The following PTPRD variants were observed in gnomAD, a reference collection of about 807,000 sequenced individuals.
The protein encoded by PTPRD is receptor-type tyrosine-protein phosphatase delta.
In PTPRD, 34 loss-of-function variants were observed where a neutral mutation model predicts 214.5. The observed-to-expected ratio is 0.16, with a 90% confidence interval of 0.12 to 0.21. PTPRD has a LOEUF of 0.21. Ranked by LOEUF, PTPRD falls within the 10% of genes least tolerant of loss-of-function variation. The pLI, the probability that PTPRD is intolerant of heterozygous loss-of-function variation, is 1.00. For missense variants in PTPRD, 2,545 were observed against 2,398.7 expected (o/e 1.06, Z -1.27); for synonymous variants, 1,128 against 845.7 (o/e 1.33, Z -5.79).
intron 14 of PTPRD, among the ~76,000 whole-genome samples, chr9:8,541,974 A>C (rs1368461911): frequency 6.6e-6 from 1 of 152,106 alleles, no homozygotes; most frequent in Non-Finnish European, 1.5e-5. Context: ...CAAAACCACT[A>C]CCAAAAGTTA....
chr9:9,324,520 C>A (rs980307162), intron 9 of PTPRD, among the ~76,000 whole-genome samples: 2 of 152,112 alleles, frequency 1.3e-5, no homozygotes, highest in African/African-American at 4.8e-5. Flanking sequence ...ATCCTTTGCC[C>A]ACTTTTTGAT....
At chr9:9,239,352 A>T (rs541452381) in intron 9 of PTPRD, among the ~76,000 whole-genome samples, 1 of 152,284 alleles carries the variant, frequency 6.6e-6, no homozygotes, top group Admixed American at 6.5e-5. Flanking sequence ...CTGAATTGTC[A>T]GCATCAAATA....
intron 3 of PTPRD, among the ~76,000 whole-genome samples, chr9:10,107,180 C>A (rs2098641774): frequency 2.0e-5 from 3 of 151,868 alleles, no homozygotes; most frequent in Admixed American, 1.3e-4. Context: ...GTGGACTTGG[C>A]AGATGGAAAC....
intron 39 of PTPRD, among the ~76,000 whole-genome samples, chr9:8,352,216 A>G (rs2075702521): frequency 6.6e-6 from 1 of 152,164 alleles, no homozygotes; most frequent in African/African-American, 2.4e-5. Context: ...ATGATAAATT[A>G]GAAGGCTAAT....
rs144701224 is a variant in PTPRD at position 9,210,293 on chromosome 9, T to C, written c.-202-26930A>G. Reference sequence around the variant, plus strand: ...TCAAAACGAATCTGAAACTCAAGAATTGGGTATTAAAATATATATAACAGG... The same window carrying C: ...TCAAAACGAATCTGAAACTCAAGAACTGGGTATTAAAATATATATAACAGG... On this transcript the variant is annotated intron_variant, in intron 9 of 45. Coordinates refer to ENST00000381196, the MANE Select transcript of PTPRD (RefSeq NM_002839.4). Among the ~76,000 whole-genome samples the C allele has an allele frequency of 4.3e-3, 648 of 152,264 alleles. 5 individuals are homozygous for C. The highest frequency in any genetic ancestry group is 0.015 in the African/African-American group (608 of 41,554).
chr9:8,618,883 T>TGC lies in PTPRD; in HGVS notation c.352+14433_352+14434insGC, dbSNP rs760310316. Among the ~76,000 whole-genome samples, 144 of 147,170 alleles carry TGC rather than the reference T, an allele frequency of 9.8e-4. 3 individuals carry two copies. Among genetic ancestry groups the TGC allele is most frequent in the African/African-American group, 3.5e-3 (139 of 39,824 alleles). On this transcript the variant is annotated intron_variant, in intron 14 of 45. Transcript: ENST00000381196. ...AGCTAATTTTGTGTGTGTGTGTGTG[T>TGC]GTGTGTGTGTGTGTTTGTCTGTGTT...
chr9:9,616,138 G>C (rs142200048), intron 7 of PTPRD, among the ~76,000 whole-genome samples: 4 of 152,244 alleles, frequency 2.6e-5, no homozygotes, highest in African/African-American at 9.6e-5. Flanking sequence ...TCATAAGAAA[G>C]AAAGACACGC....
intron 8 of PTPRD, among the ~76,000 whole-genome samples, chr9:9,498,937 T>C (rs561412360): frequency 2.0e-5 from 3 of 149,784 alleles, no homozygotes; most frequent in Non-Finnish European, 4.5e-5. Flanking sequence ...GGCTTATTTT[T>C]TCTCTCTCTG....
At chr9:8,530,580 T>G (rs1166908269) in intron 14 of PTPRD, among the ~76,000 whole-genome samples, 1 of 152,134 alleles carries the variant, frequency 6.6e-6, no homozygotes, top group Non-Finnish European at 1.5e-5. Flanking sequence ...TTATCTGTAT[T>G]CTGCTCCCTT....
chr9:9,290,500 G>A, intron 9 of PTPRD, among the ~76,000 whole-genome samples: 1 of 151,434 alleles, frequency 6.6e-6, no homozygotes, highest in East Asian at 2.0e-4. Flanking sequence ...CAATGTCAAG[G>A]AGTTTTTTCC....
At chr9:9,575,769 GAAAA>G (rs2088448573) in intron 7 of PTPRD, among the ~76,000 whole-genome samples, 1 of 63,258 alleles carries the variant, frequency 1.6e-5, no homozygotes, top group African/African-American at 6.3e-5. Flanking sequence ...AAGAAAAAAA[GAAAA>G]AGAAAGAAAA....
chr9:8,802,357 C>G (rs1361496811), intron 11 of PTPRD, among the ~76,000 whole-genome samples: 26 of 152,188 alleles, frequency 1.7e-4, no homozygotes, highest in Admixed American at 1.7e-3. Context: ...TTCCCTGACT[C>G]TCACGCCATT....
At chr9:10,521,974 G>A (rs922649611) in intron 2 of PTPRD, among the ~76,000 whole-genome samples, 2 of 152,074 alleles carry the variant, frequency 1.3e-5, no homozygotes, top group Non-Finnish European at 2.9e-5. Flanking sequence ...AGGTATGTCT[G>A]TATGGTCTTT....
chr9:8,600,936 A>G (rs2154276825), intron 14 of PTPRD, among the ~76,000 whole-genome samples: 1 of 152,132 alleles, frequency 6.6e-6, no homozygotes, highest in East Asian at 1.9e-4. Context: ...GCTCAGCCAT[A>G]GTGGGGTAAA....
intron 12 of PTPRD, among the ~76,000 whole-genome samples, chr9:8,716,891 T>A (rs1215474563): frequency 6.6e-6 from 1 of 152,110 alleles, no homozygotes. Flanking sequence ...AATAAACTTG[T>A]ATGAGAATTG....
chr9:8,846,639 G>C (rs189934731), intron 11 of PTPRD, among the ~76,000 whole-genome samples: 1 of 152,202 alleles, frequency 6.6e-6, no homozygotes, highest in East Asian at 1.9e-4. Flanking sequence ...GGAAGAGAGA[G>C]AGCATGCTCA....
rs754377585 is a variant in PTPRD at position 9,321,356 on chromosome 9, G to A, written c.-203+76093C>T. ...GGATCACCTGAGGTCGGGAGTTCAC[G>A]ACCAGCCTGACCAATATGGTGAAAC... On this transcript the variant is annotated intron_variant, in intron 9 of 45. Coordinates refer to ENST00000381196, the MANE Select transcript of PTPRD (RefSeq NM_002839.4). 4.6e-5 allele frequency among the ~76,000 whole-genome samples: 7 copies of A among 152,116 alleles called. No individual in the cohort carries two copies. The South Asian group carries it at 8.3e-4, about 18-fold the overall frequency.
Position 8,885,181 on chromosome 9 carries a change from C to T in PTPRD, c.-104+133516G>A, listed in dbSNP as rs533998694. Among the ~76,000 whole-genome samples, 4 of 152,266 alleles carry T rather than the reference C, an allele frequency of 2.6e-5. No homozygotes were observed. The South Asian group carries it at 8.3e-4, about 32-fold the overall frequency. ...GTTCCCATTTGGAGACCCTACTCTT[C>T]TTGGCTGTGCTAGGTCCTTTACTTA... On this transcript the variant is annotated intron_variant, in intron 11 of 45. Transcript: ENST00000381196.
intron 3 of PTPRD, among the ~76,000 whole-genome samples, chr9:10,128,844 T>C (rs1174309324): frequency 2.0e-5 from 3 of 152,144 alleles, no homozygotes; most frequent in African/African-American, 4.8e-5. Flanking sequence ...ACCTGGGAGA[T>C]ATTACATGTG....
Sources: gnomAD v4.1 joint callset for allele counts (sites outside exome capture counted in the v4.1 genomes callset) on GRCh38, gnomAD v4.1.1 for gene constraint, MANE v1.5 for transcripts, NCBI Gene and HGNC (gene_info 2026-07-23, HGNC 2026-07-21) for gene names.